CCNB3: variants seen among roughly 807,000 people sequenced by gnomAD.
CCNB3 encodes the protein cyclin B3, also known as G2/mitotic-specific cyclin-B3.
In CCNB3, 12 loss-of-function variants were observed where a neutral mutation model predicts 68.0. The ratio of observed to expected loss-of-function variants is 0.18; its 90% CI spans 0.11 to 0.29. The LOEUF (loss-of-function observed/expected upper bound fraction) is 0.29. CCNB3 is among the 10% of genes least tolerant of loss of function. CCNB3 has a pLI of 1.00. For missense variants in CCNB3, 904 were observed against 993.1 expected, an observed-to-expected ratio of 0.91 and a Z score of 1.21; for synonymous variants, 354 against 388.9, an observed-to-expected ratio of 0.91 and a Z score of 1.06.
chrX:50,279,258 A>T lies in CCNB3; in HGVS notation c.-112-5284A>T, dbSNP rs1485912742. On this transcript the variant is annotated intron_variant, in intron 1 of 12. Coordinates refer to ENST00000376042, the MANE Select transcript of CCNB3 (RefSeq NM_033031.3). ...TATATGAATATATATACTATATATA[A>T]ATATATAGAGAATATATACATATTC... Among the ~76,000 whole-genome samples the T allele has an allele frequency of 1.2e-3, 84 of 70,984 alleles. No individual in the cohort carries two copies. In the South Asian group the frequency reaches 0.044, roughly 37 times the overall value. 61.6% of individuals were successfully genotyped at this position (70,984 alleles called of 115,157 possible).
chrX:50,320,579 A>G (rs1921963296), intron 8 of CCNB3, among the ~76,000 whole-genome samples: 1 of 109,699 alleles, frequency 9.1e-6, no homozygotes, highest in African/African-American at 3.3e-5. Context: ...TATTCTTCAT[A>G]TCTGCTCTAA....
intron 1 of CCNB3, among the ~76,000 whole-genome samples, chrX:50,228,097 A>C (rs1429154889): frequency 4.6e-5 from 4 of 87,634 alleles, no homozygotes; most frequent in Admixed American, 1.5e-4. Flanking sequence ...GAATATATAT[A>C]ATATATAGAG....
intron 1 of CCNB3, among the ~76,000 whole-genome samples, chrX:50,226,190 AATATATATAGAATATATATATTT>A (rs1410876838): frequency 0.033 from 929 of 28,534 alleles, 73 homozygotes; most frequent in African/African-American, 0.083. Flanking sequence ...TAGATATATA[AATATATATAGAATATATATATTT>A]ATATATATAG....
intron 1 of CCNB3, among the ~76,000 whole-genome samples, chrX:50,226,844 T>TATATATAGAATATATATAGA (rs1935841687): frequency 6.6e-5 from 5 of 75,908 alleles, no homozygotes; most frequent in East Asian, 3.7e-4. Context: ...ATATATAGTA[T>TATATATAGAATATATATAGA]ATATATAGAA....
intron 7 of CCNB3, among the ~76,000 whole-genome samples, chrX:50,313,452 C>T (rs192038965): frequency 1.8e-5 from 2 of 112,121 alleles, no homozygotes; most frequent in East Asian, 5.6e-4. Flanking sequence ...CTAGCCCCAT[C>T]CCAGACCTTC....
chrX:50,312,231 G>A (rs1921501777), intron 6 of CCNB3, among the ~76,000 whole-genome samples: 1 of 111,093 alleles, frequency 9.0e-6, no homozygotes, highest in African/African-American at 3.3e-5. Context: ...AAGAAGACAG[G>A]TAACAAAGCT....
At chrX:50,313,704 A>G (rs1921583363) in intron 7 of CCNB3, 152 bp from the exon 8 acceptor site, 2 of 408,116 alleles carry the variant, frequency 4.9e-6, no homozygotes, top group Non-Finnish European at 8.4e-6. Flanking sequence ...CATAACTGCA[A>G]CTTGCCTGGA....
At chrX:50,226,277 A>T (rs1935786511) in intron 1 of CCNB3, among the ~76,000 whole-genome samples, 1 of 64,408 alleles carries the variant, frequency 1.6e-5, no homozygotes. Flanking sequence ...TAGAATATAT[A>T]TATTTATATA....
chrX:50,289,426 T>C (rs189363624), intron 4 of CCNB3, among the ~76,000 whole-genome samples: 196 of 111,843 alleles, frequency 1.8e-3, no homozygotes, highest in Middle Eastern at 4.6e-3. Flanking sequence ...TATGAAGATC[T>C]AGAAATTCAA....
intron 5 of CCNB3, among the ~76,000 whole-genome samples, chrX:50,304,208 G>A (rs925010633): frequency 4.5e-5 from 5 of 111,540 alleles, no homozygotes; most frequent in Non-Finnish European, 7.5e-5. Context: ...CATTATGCCA[G>A]TACCATATTG....
intron 1 of CCNB3, among the ~76,000 whole-genome samples, chrX:50,226,182 G>GATATATAAATATATATAGAATAT (rs1935767782): frequency 1.6e-4 from 5 of 32,052 alleles, no homozygotes; most frequent in African/African-American, 3.8e-4. Context: ...TACATATATA[G>GATATATAAATATATATAGAATAT]ATATATAAAT....
chrX:50,301,569 T>C, intron 5 of CCNB3, among the ~76,000 whole-genome samples: 1 of 112,588 alleles, frequency 8.9e-6, no homozygotes, highest in East Asian at 2.8e-4. Context: ...CCAGTTAGGC[T>C]ACTCAGGGGT....
chrX:50,300,674 T>C (rs1289882615), intron 5 of CCNB3, among the ~76,000 whole-genome samples: 2 of 111,665 alleles, frequency 1.8e-5, no homozygotes, highest in Non-Finnish European at 3.8e-5. Flanking sequence ...AATTTGAATG[T>C]TGGCCTGCCT....
chrX:50,286,600 G>A (rs2147023372), intron 3 of CCNB3, among the ~76,000 whole-genome samples: 1 of 104,532 alleles, frequency 9.6e-6, no homozygotes, highest in African/African-American at 3.5e-5. Flanking sequence ...CACAGTGCCT[G>A]GCCCTCAGTT....
intron 1 of CCNB3, among the ~76,000 whole-genome samples, chrX:50,219,745 G>C (rs1412279240): frequency 1.8e-5 from 2 of 111,482 alleles, no homozygotes; most frequent in African/African-American, 6.5e-5. Context: ...GATTGTCTTG[G>C]CTATCCGGGC....
upstream of CCNB3, among the ~76,000 whole-genome samples, chrX:50,203,579 G>A (rs920124486): frequency 8.9e-6 from 1 of 112,357 alleles, no homozygotes; most frequent in Non-Finnish European, 1.9e-5. Flanking sequence ...CCATACTAAA[G>A]TGAAAAATTA....
At chrX:50,340,136 C>A (rs933708934) in intron 8 of CCNB3, among the ~76,000 whole-genome samples, 12 of 112,008 alleles carry the variant, frequency 1.1e-4, no homozygotes, top group African/African-American at 3.2e-4. Context: ...GATAATCATT[C>A]ATCCATGAAA....
At chrX:50,341,590 A>G (rs2147099172) in intron 8 of CCNB3, 1 of 110,058 alleles carries the variant, frequency 9.1e-6, no homozygotes, top group East Asian at 2.8e-4. Context: ...AAAGATAAAT[A>G]AAATTGACAA....
intron 1 of CCNB3, among the ~76,000 whole-genome samples, chrX:50,211,771 A>G (rs1196846674): frequency 8.9e-6 from 1 of 112,010 alleles, no homozygotes; most frequent in East Asian, 2.8e-4. Flanking sequence ...AACACCCCAT[A>G]TAAAAGCCGT....
Sources: gnomAD v4.1 joint callset for allele counts (sites outside exome capture counted in the v4.1 genomes callset) on GRCh38, gnomAD v4.1.1 for gene constraint, MANE v1.5 for transcripts, NCBI Gene and HGNC (gene_info 2026-07-23, HGNC 2026-07-21) for gene names.